Variants in AFF2 observed in about 807,000 individuals in gnomAD.
AFF2 encodes AF4/FMR2 family member 2.
In AFF2, 14 loss-of-function variants were observed where a neutral mutation model predicts 76.9. The ratio of observed to expected loss-of-function variants is 0.18; its 90% CI spans 0.12 to 0.28. The LOEUF (loss-of-function observed/expected upper bound fraction) is 0.28. AFF2 is among the 10% of genes least tolerant of loss of function. The pLI is 1.00. For missense variants in AFF2, 868 were observed against 1,001.1 expected (o/e 0.87, Z 1.79); for synonymous variants, 398 against 366.7 (o/e 1.09, Z -0.98).
chrX:148,849,361 T>TC (rs2070704596), intron 7 of AFF2, among the ~76,000 whole-genome samples: 1 of 20,495 alleles, frequency 4.9e-5, no homozygotes, highest in African/African-American at 3.8e-4. Context: ...TGTCTCTCTC[T>TC]CTCCTCCCCC....
intron 8 of AFF2, among the ~76,000 whole-genome samples, chrX:148,900,906 G>C (rs1017075358): frequency 8.9e-6 from 1 of 111,798 alleles, no homozygotes; most frequent in Admixed American, 9.5e-5. Context: ...GAATAACTAC[G>C]TAGGTTTCAT....
chrX:148,608,379 C>T (rs2053693553), intron 1 of AFF2, among the ~76,000 whole-genome samples: 1 of 111,592 alleles, frequency 9.0e-6, no homozygotes, highest in Non-Finnish European at 1.9e-5. Context: ...CTAAGAAGCA[C>T]AGATGTGGAA....
chrX:148,707,966 C>G (rs1557262529), intron 3 of AFF2, among the ~76,000 whole-genome samples: 1 of 111,729 alleles, frequency 9.0e-6, no homozygotes, highest in Non-Finnish European at 1.9e-5. Flanking sequence ...AATGATTCAT[C>G]ACAAATATAA....
intron 7 of AFF2, among the ~76,000 whole-genome samples, chrX:148,878,454 C>G (rs1452372522): frequency 9.0e-6 from 1 of 111,666 alleles, no homozygotes; most frequent in Non-Finnish European, 1.9e-5. Context: ...TCCTTGCTGC[C>G]TCCTTCTTTC....
intron 3 of AFF2, among the ~76,000 whole-genome samples, chrX:148,737,835 T>G (rs2055304209): frequency 8.9e-6 from 1 of 111,883 alleles, no homozygotes; most frequent in African/African-American, 3.3e-5. Context: ...AAAGCGATGT[T>G]GGGTTTTGCT....
chrX:148,718,993 A>G, intron 3 of AFF2: 1 of 857,092 alleles, frequency 1.2e-6, no homozygotes, highest in Non-Finnish European at 1.5e-6. Context: ...ACAGAGTTTA[A>G]ATTGAGATGA....
intron 3 of AFF2, among the ~76,000 whole-genome samples, chrX:148,752,926 C>A (rs1207989834): frequency 3.6e-5 from 4 of 111,790 alleles, no homozygotes; most frequent in Non-Finnish European, 5.6e-5. Context: ...AAACTGTACA[C>A]TTTCGCAACA....
At chrX:148,806,422 G>T (rs1470717685) in intron 3 of AFF2, among the ~76,000 whole-genome samples, 1 of 111,855 alleles carries the variant, frequency 8.9e-6, no homozygotes, top group East Asian at 2.8e-4. Flanking sequence ...GACCTCAACG[G>T]CTGGGAGCTT....
intron 3 of AFF2, among the ~76,000 whole-genome samples, chrX:148,791,416 C>A (rs1378836371): frequency 9.0e-6 from 1 of 111,653 alleles, no homozygotes; most frequent in Non-Finnish European, 1.9e-5. Context: ...GACCTGTCCC[C>A]CATGATTAAA....
chrX:148,798,697 T>C (rs2070018105), intron 3 of AFF2, among the ~76,000 whole-genome samples: 1 of 112,213 alleles, frequency 8.9e-6, no homozygotes, highest in Non-Finnish European at 1.9e-5. Context: ...TACCTTGTTT[T>C]CTTGTGGATG....
chrX:148,604,848 C>G (rs1296298444), intron 1 of AFF2, among the ~76,000 whole-genome samples: 1 of 111,275 alleles, frequency 9.0e-6, no homozygotes, highest in African/African-American at 3.3e-5. Flanking sequence ...CAAATCTAAT[C>G]AATAAATCAA....
At chrX:148,966,377 C>T (rs139556671) in intron 13 of AFF2, among the ~76,000 whole-genome samples, 9 of 110,993 alleles carry the variant, frequency 8.1e-5, no homozygotes, top group South Asian at 3.9e-4. Context: ...ATACCCACAG[C>T]GGGGTCAAGG....
rs575357060 is a variant in AFF2, at chrX:148,876,632, G to C, written c.1263-9257G>C. 1.2e-4 allele frequency among the ~76,000 whole-genome samples: 13 copies of C among 111,866 alleles called. 1 individual carries two copies. The Middle Eastern group carries it at 0.018, about 159-fold the overall frequency. On this transcript the variant is annotated intron_variant, in intron 7 of 20. Transcript: ENST00000370460. ...TTCACAATGAGACCTTAGTAAATGA[G>C]AGTTATGTTCAGCAGGTCACCAGGA...
intron 3 of AFF2, among the ~76,000 whole-genome samples, chrX:148,791,903 A>G (rs2069900395): frequency 9.0e-6 from 1 of 111,658 alleles, no homozygotes; most frequent in Non-Finnish European, 1.9e-5. Flanking sequence ...TTTCATGATC[A>G]TTCCATTGTA....
intron 3 of AFF2, among the ~76,000 whole-genome samples, chrX:148,664,579 G>A (rs141177844): frequency 1.8e-5 from 2 of 111,530 alleles, no homozygotes; most frequent in African/African-American, 3.3e-5. Flanking sequence ...GATTGGCACC[G>A]ACTCCATTGT....
chrX:148,649,089 C>T (rs2054176233), intron 1 of AFF2, among the ~76,000 whole-genome samples: 1 of 111,327 alleles, frequency 9.0e-6, no homozygotes, highest in Admixed American at 9.5e-5. Context: ...GGAAAGCAGG[C>T]CTGGGTGTGT....
At chrX:148,889,544 A>G (rs2071198825) in intron 8 of AFF2, among the ~76,000 whole-genome samples, 1 of 112,440 alleles carries the variant, frequency 8.9e-6, no homozygotes, top group Non-Finnish European at 1.9e-5. Context: ...ATATGTAATC[A>G]CACATGTACA....
intron 1 of AFF2, among the ~76,000 whole-genome samples, chrX:148,510,638 A>T (rs4844061): frequency 1.4e-3 from 157 of 112,126 alleles, no homozygotes; most frequent in Non-Finnish European, 1.9e-3. Context: ...GAGACACACA[A>T]GTCTGTTCCT....
intron 7 of AFF2, among the ~76,000 whole-genome samples, chrX:148,874,484 T>C (rs1557277674): frequency 9.0e-6 from 1 of 111,517 alleles, no homozygotes; most frequent in Non-Finnish European, 1.9e-5. Flanking sequence ...CCCAGATTTG[T>C]ACACTTGGTA....
Sources: gnomAD v4.1 joint callset for allele counts (sites outside exome capture counted in the v4.1 genomes callset) on GRCh38, gnomAD v4.1.1 for gene constraint, MANE v1.5 for transcripts, NCBI Gene and HGNC (gene_info 2026-07-23, HGNC 2026-07-21) for gene names.